Variants in STAT1 observed in about 807,000 individuals in gnomAD.
STAT1 encodes signal transducer and activator of transcription 1.
Under a neutral mutation model 111.7 loss-of-function variants are expected in STAT1, and 24 were observed. The observed-to-expected ratio is 0.21, with a 90% CI of 0.16 to 0.30. The LOEUF (loss-of-function observed/expected upper bound fraction) is 0.30, where lower values mean the gene tolerates loss of function less well. Among genes scored for constraint, STAT1 ranks in the 10% least tolerant of loss-of-function variants. STAT1 has a pLI of 1.00. For missense variants in STAT1, 351 were observed against 911.9 expected, an observed-to-expected ratio of 0.38 and a Z score of 7.92; for synonymous variants, 332 against 326.5, an observed-to-expected ratio of 1.02 and a Z score of -0.18.
chr2:191,002,627 A>C (rs79819802), intron 5 of STAT1, among the ~76,000 whole-genome samples: 5,230 of 152,300 alleles, frequency 0.034, 263 homozygotes, highest in Admixed American at 0.13. Flanking sequence ...TGTTGTTTTT[A>C]ATTCTTATGC....
At position 190,997,746 on chromosome 2, in the gene STAT1, T is replaced by C. The variant is rs929732271; in HGVS notation, c.785+110A>G. 55 of 1,513,522 alleles carry C rather than the reference T, an allele frequency of 3.6e-5. No homozygotes were observed. Among genetic ancestry groups the C allele is most frequent in the Non-Finnish European group, 4.7e-5 (52 of 1,101,698 alleles). 93.8% of individuals were successfully genotyped at this position (1,513,522 alleles called of 1,614,324 possible). On this transcript the variant is annotated intron_variant, in intron 9 of 24. Transcript: ENST00000361099. The surrounding 1 kb of genome is among the most constrained non-coding windows in gnomAD (Gnocchi z 7.3). ...GCAGAAGCTGGACTATGTCAAACTC[T>C]ATACTAATGTTTTGACAGGGTCCAT... is the stretch of plus-strand genomic sequence containing the variant.
rs1244637038 is a variant in STAT1 at position 190,974,003 on chromosome 2, G to A, written c.2238+827C>T. 6.6e-6 allele frequency among the ~76,000 whole-genome samples: 1 copy of A among 152,048 alleles called. No individual in the cohort carries two copies. Among genetic ancestry groups the A allele is most frequent in the African/African-American group, 2.4e-5 (1 of 41,366 alleles). On this transcript the variant is annotated intron_variant, in intron 24 of 24. Coordinates refer to ENST00000361099, the MANE Select transcript of STAT1 (RefSeq NM_007315.4). This position sits in a 1 kb window ranked among gnomAD's most constrained non-coding sequence, Gnocchi z 4.8. The stretch of plus-strand genomic sequence containing the variant: ...GCACCTACTTTTTGCCAGGCACCGG[G>A]TATACAGTAAGGAAGAAAGGCCAGT...
In STAT1 at chr2:190,979,309, T is replaced by G. The variant is rs1365846246; in HGVS notation, c.1728-308A>C. ...TTATTTTAAAGGCCATAACAATGTC[T>G]GAATGTATACATCTTTTTTACTGGA... On this transcript the variant is annotated intron_variant, in intron 20 of 24. Transcript: ENST00000361099. The surrounding 1 kb of genome is among the most constrained non-coding windows in gnomAD (Gnocchi z 5.8). Among the ~76,000 whole-genome samples, 2 of 152,262 alleles carry G rather than the reference T, an allele frequency of 1.3e-5. No individual in the cohort carries two copies. Among genetic ancestry groups the G allele is most frequent in the Admixed American group, 6.5e-5 (1 of 15,292 alleles).
In STAT1 at chr2:190,975,581, G is replaced by GT; in HGVS notation, c.2135+230dup. 7.1e-7 allele frequency: 1 copy of GT among 1,400,022 alleles called. No homozygotes were observed. The highest frequency in any genetic ancestry group is 9.3e-7 in the Non-Finnish European group (1 of 1,071,580). 86.7% of individuals were successfully genotyped at this position (1,400,022 alleles called of 1,614,324 possible). On this transcript the variant is annotated intron_variant, in intron 23 of 24. Transcript: ENST00000361099. The surrounding 1 kb of genome is among the most constrained non-coding windows in gnomAD (Gnocchi z 5.9). ...ATTTATACTTTTTCAAAGGGTATCA[G>GT]TTTTGGGAAAATTTATATACCTTAA...
rs117037705 is a variant in STAT1, at chr2:190,975,957, G to C, written c.2060-70C>G. 3.0e-6 allele frequency: 4 copies of C among 1,352,406 alleles called. No homozygotes were observed. The highest frequency in any genetic ancestry group is 2.3e-5 in the East Asian group (1 of 42,806). 83.8% of individuals were successfully genotyped at this position (1,352,406 alleles called of 1,614,324 possible). ...CATCAGAATACAACATCAACTTTTC[G>C]GGGGGATTAAAGTTCTACTGTGTTT... On this transcript the variant is annotated intron_variant, in intron 22 of 24. Coordinates refer to ENST00000361099, the MANE Select transcript of STAT1 (RefSeq NM_007315.4). This position sits in a 1 kb window ranked among gnomAD's most constrained non-coding sequence, Gnocchi z 5.9.
At chr2:190,991,397 GA>G in intron 10 of STAT1, 77 bp from the exon 11 acceptor site, 2 of 1,336,456 alleles carry the variant, frequency 1.5e-6, no homozygotes, top group Non-Finnish European at 2.1e-6. Flanking sequence ...TTTCCTGAAA[GA>G]AAAAAGGGGG....
rs953752983 is a variant in STAT1 at position 190,970,661 on chromosome 2, G to C, written c.*42C>G. Reference sequence around the variant, plus strand: ...AGTAGCAGGAGGGAATCACAGATGAGAAGGAAAACTGTCGCCAGAGAAGAT... The same window carrying C: ...AGTAGCAGGAGGGAATCACAGATGACAAGGAAAACTGTCGCCAGAGAAGAT... On this transcript the variant is annotated 3_prime_UTR_variant, in exon 25 of 25. Transcript: ENST00000361099. This position sits in a 1 kb window ranked among gnomAD's most constrained non-coding sequence, Gnocchi z 5.4. The C allele has an allele frequency of 6.2e-7, 1 of 1,605,072 alleles. No homozygotes were observed. Among genetic ancestry groups the C allele is most frequent in the African/African-American group, 1.3e-5 (1 of 74,840 alleles).
chr2:190,980,528 A>G lies in STAT1; in HGVS notation c.1632+92T>C, dbSNP rs1692294559. ...CAGAGAAGAACACGCCAAAATAAGCAAACAGTTAAGTAACTATCACAGCAA... is the reference window on the plus strand; with the variant it reads ...CAGAGAAGAACACGCCAAAATAAGCGAACAGTTAAGTAACTATCACAGCAA... On this transcript the variant is annotated intron_variant, in intron 19 of 24. Transcript: ENST00000361099. The surrounding 1 kb of genome is among the most constrained non-coding windows in gnomAD (Gnocchi z 6.1). The G allele has an allele frequency of 8.3e-6, 12 of 1,450,278 alleles. No homozygotes were observed. Among genetic ancestry groups the G allele is most frequent in the Middle Eastern group, 1.7e-4 (1 of 5,750 alleles). The allele number at this position is 1,450,278 out of a possible 1,614,324, so 89.8% of individuals were successfully genotyped here.
Position 190,980,463 on chromosome 2 carries a change from C to G in STAT1, c.1632+157G>C, listed in dbSNP as rs1692289833. On this transcript the variant is annotated intron_variant, in intron 19 of 24. Coordinates refer to ENST00000361099, the MANE Select transcript of STAT1 (RefSeq NM_007315.4). The surrounding 1 kb of genome is among the most constrained non-coding windows in gnomAD (Gnocchi z 6.1). Reference sequence around the variant, plus strand: ...CCTGCTCGGAGACCAACCTCCTGCACTGAAGAAAAGTAAACAACTTGCCCG... The same window carrying G: ...CCTGCTCGGAGACCAACCTCCTGCAGTGAAGAAAAGTAAACAACTTGCCCG... 6.6e-6 allele frequency among the ~76,000 whole-genome samples: 1 copy of G among 152,218 alleles called. No individual in the cohort carries two copies. The highest frequency in any genetic ancestry group is 1.5e-5 in the Non-Finnish European group (1 of 68,042).
rs1490005292 is a variant in STAT1, at chr2:190,974,563, T to C, written c.2238+267A>G. ...TATGAAATTTCTACATGGACAACTT[T>C]AAAGGGGAGAGGAGGAAACCTGAAT... On this transcript the variant is annotated intron_variant, in intron 24 of 24. Transcript: ENST00000361099. The surrounding 1 kb of genome is among the most constrained non-coding windows in gnomAD (Gnocchi z 4.8). Among the ~76,000 whole-genome samples the C allele has an allele frequency of 3.3e-5, 5 of 152,232 alleles. No homozygotes were observed. Among genetic ancestry groups the C allele is most frequent in the African/African-American group, 1.2e-4 (5 of 41,440 alleles).
chr2:190,986,306 C>T lies in STAT1; in HGVS notation c.1221+548G>A, dbSNP rs1256378080. On this transcript the variant is annotated intron_variant, in intron 14 of 24. Coordinates refer to ENST00000361099, the MANE Select transcript of STAT1 (RefSeq NM_007315.4). This position sits in a 1 kb window ranked among gnomAD's most constrained non-coding sequence, Gnocchi z 5.0. ...CAGAGCCTCACAGCAACTGGCAGCC[C>T]CCATGTTCACAGAGGAGGAAAGATG... Among the ~76,000 whole-genome samples, 1 of 152,170 alleles carries T rather than the reference C, an allele frequency of 6.6e-6. No homozygotes were observed. Among genetic ancestry groups the T allele is most frequent in the Non-Finnish European group, 1.5e-5 (1 of 68,020 alleles).
At position 190,970,571 on chromosome 2, in the gene STAT1, C is replaced by T; in HGVS notation, c.*132G>A. ...TAGAGAAAAATTCACTTGCTATCAA[C>T]AGGTTGCAGCGAATTTGCTGGCCTT... On this transcript the variant is annotated 3_prime_UTR_variant, in exon 25 of 25. Coordinates refer to ENST00000361099, the MANE Select transcript of STAT1 (RefSeq NM_007315.4). The surrounding 1 kb of genome is among the most constrained non-coding windows in gnomAD (Gnocchi z 5.4). 2.1e-6 allele frequency: 2 copies of T among 973,660 alleles called. No homozygotes were observed. The highest frequency in any genetic ancestry group is 3.3e-6 in the Non-Finnish European group (2 of 612,736). The allele number at this position is 973,660 out of a possible 1,614,324, so 60.3% of individuals were successfully genotyped here.
intron 12 of STAT1, among the ~76,000 whole-genome samples, chr2:190,988,482 G>A (rs879793787): frequency 4.6e-5 from 7 of 152,182 alleles, no homozygotes; most frequent in African/African-American, 7.2e-5. Flanking sequence ...AGGTTCAAGC[G>A]ATTCTCGTGC....
At position 190,980,037 on chromosome 2, in the gene STAT1, C is replaced by A. The variant is rs1000356635; in HGVS notation, c.1633-171G>T. 6.6e-6 allele frequency among the ~76,000 whole-genome samples: 1 copy of A among 152,228 alleles called. No homozygotes were observed. Among genetic ancestry groups the A allele is most frequent in the Admixed American group, 6.5e-5 (1 of 15,282 alleles). On this transcript the variant is annotated intron_variant, in intron 19 of 24. Coordinates refer to ENST00000361099, the MANE Select transcript of STAT1 (RefSeq NM_007315.4). The surrounding 1 kb of genome is among the most constrained non-coding windows in gnomAD (Gnocchi z 6.1). ...CAGGGAATATCAAGTTCCCTCCCCGCTCTTATCAGCATTCAGACCAGGAGC... is the reference window on the plus strand; with the variant it reads ...CAGGGAATATCAAGTTCCCTCCCCGATCTTATCAGCATTCAGACCAGGAGC...
In STAT1 at chr2:190,975,910, C is replaced by T. The variant is rs200453644; in HGVS notation, c.2060-23G>A. 189 of 1,591,156 alleles carry T rather than the reference C, an allele frequency of 1.2e-4. No homozygotes were observed. The highest frequency in any genetic ancestry group is 7.4e-4 in the South Asian group (67 of 90,540). On this transcript the variant is annotated intron_variant, in intron 22 of 24. Coordinates refer to ENST00000361099, the MANE Select transcript of STAT1 (RefSeq NM_007315.4). The surrounding 1 kb of genome is among the most constrained non-coding windows in gnomAD (Gnocchi z 5.9). ...GTGCTAGAAATAAACACATTGTGTACGCTTTCCATCAACCGAAATTCCATC... is the reference window on the plus strand; with the variant it reads ...GTGCTAGAAATAAACACATTGTGTATGCTTTCCATCAACCGAAATTCCATC...
Position 190,998,075 on chromosome 2 carries a change from T to A in STAT1, c.634-68A>T. ...AATCACTGAATTTTAAAATATTTTT[T>A]AAAAGAAAAGCAAATATCATTTCAT... On this transcript the variant is annotated intron_variant, in intron 8 of 24. Transcript: ENST00000361099. The surrounding 1 kb of genome is among the most constrained non-coding windows in gnomAD (Gnocchi z 4.1). 3.8e-6 allele frequency: 6 copies of A among 1,586,482 alleles called. No individual in the cohort carries two copies. Among genetic ancestry groups the A allele is most frequent in the Non-Finnish European group, 4.3e-6 (5 of 1,162,590 alleles).
rs1235418869 is a variant in STAT1 at position 190,995,468 on chromosome 2, T to C, written c.786-249A>G. 1.3e-5 allele frequency among the ~76,000 whole-genome samples: 2 copies of C among 152,208 alleles called. No individual in the cohort carries two copies. The highest frequency in any genetic ancestry group is 2.1e-4 in the South Asian group (1 of 4,828). ...ACATGGTGGCAGGCAAGAGAGTTTG[T>C]GGAGGGAAATTCCCACTTATAAAAC... On this transcript the variant is annotated intron_variant, in intron 9 of 24. Transcript: ENST00000361099. The surrounding 1 kb of genome is among the most constrained non-coding windows in gnomAD (Gnocchi z 4.2).
chr2:190,987,031 T>A lies in STAT1; in HGVS notation c.1127+8A>T. 1 of 1,611,218 alleles carries A rather than the reference T, an allele frequency of 6.2e-7. No homozygotes were observed. The highest frequency in any genetic ancestry group is 8.5e-7 in the Non-Finnish European group (1 of 1,177,722). ...ATAGCACAGTATAGCGTAAAGTACG[T>A]CACGTACCCTTTTACTGTATTTCTC... is the stretch of plus-strand genomic sequence containing the variant. On this transcript the variant is annotated splice_region_variant and intron_variant, in intron 13 of 24. Coordinates refer to ENST00000361099, the MANE Select transcript of STAT1 (RefSeq NM_007315.4). This position sits in a 1 kb window ranked among gnomAD's most constrained non-coding sequence, Gnocchi z 4.0.
intron 2 of STAT1, 147 bp from the exon 3 acceptor site, chr2:191,010,151 T>TTATA (rs1427356635): frequency 1.9e-6 from 2 of 1,041,124 alleles, no homozygotes; most frequent in African/African-American, 3.2e-5. Flanking sequence ...TAAATGGCAT[T>TTATA]TATAGTCTAA....
Sources: allele counts gnomAD v4.1 joint callset (sites outside exome capture counted in the v4.1 genomes callset), GRCh38; gene constraint gnomAD v4.1.1; non-coding constraint Gnocchi (gnomAD v3.1); transcripts MANE v1.5; gene names NCBI Gene and HGNC (gene_info 2026-07-23, HGNC 2026-07-21).